The following JAKMIP1 variants were observed in gnomAD, a reference collection of about 807,000 sequenced individuals.
JAKMIP1 encodes the protein janus kinase and microtubule interacting protein 1, also known as janus kinase and microtubule-interacting protein 1.
Under a neutral mutation model 113.0 loss-of-function variants are expected in JAKMIP1, and 33 were observed. That is an observed-to-expected ratio of 0.29 (90% CI 0.22 to 0.39). The LOEUF (loss-of-function observed/expected upper bound fraction) is 0.39. Among genes scored for constraint, JAKMIP1 ranks in the 10% least tolerant of loss-of-function variants. The pLI, the probability that JAKMIP1 is intolerant of heterozygous loss-of-function variation, is 1.00. For missense variants in JAKMIP1, 813 were observed against 1,080.5 expected (o/e 0.75, Z 3.47); for synonymous variants, 480 against 459.9 (o/e 1.04, Z -0.56).
chr4:6,112,935 C>A lies in JAKMIP1; in HGVS notation c.-85G>T. The A allele has an allele frequency of 6.5e-7, 1 of 1,533,868 alleles. No individual in the cohort carries two copies. The highest frequency in any genetic ancestry group is 8.8e-7 in the Non-Finnish European group (1 of 1,139,252). ...CCAGCAGGCGTGGCTACCAGCTCCA[C>A]CGTGCTAACCAGTCGCGCAGGACTC... On this transcript the variant is annotated 5_prime_UTR_variant, in exon 2 of 21. Coordinates refer to ENST00000409021, the MANE Select transcript of JAKMIP1 (RefSeq NM_001099433.2).
rs966846369 is a variant in JAKMIP1, at chr4:6,069,919, A to G, written c.1303-4911T>C. On this transcript the variant is annotated intron_variant, in intron 8 of 20. Transcript: ENST00000409021. The surrounding 1 kb of genome is among the most constrained non-coding windows in gnomAD (Gnocchi z 4.5). Reference sequence around the variant, plus strand: ...AACAAATAGCCCCCCAACCAGATCCAGTCTCTCTCAGCCACCTGTCTTCTC... The same window carrying G: ...AACAAATAGCCCCCCAACCAGATCCGGTCTCTCTCAGCCACCTGTCTTCTC... 2.0e-5 allele frequency: 8 copies of G among 395,692 alleles called. No homozygotes were observed. Among genetic ancestry groups the G allele is most frequent in the Non-Finnish European group, 2.7e-5 (6 of 224,910 alleles). 24.5% of individuals were successfully genotyped at this position (395,692 alleles called of 1,614,324 possible). A position where few individuals can be genotyped will look rare whatever the true frequency, so the allele number is the denominator to read the frequency against.
At position 6,136,273 on chromosome 4, in the gene JAKMIP1, C is replaced by A. The variant is rs1027645838; in HGVS notation, c.-147-23276G>T. Among the ~76,000 whole-genome samples the A allele has an allele frequency of 7.2e-5, 11 of 152,044 alleles. No individual in the cohort carries two copies. Among genetic ancestry groups the A allele is most frequent in the Non-Finnish European group, 1.3e-4 (9 of 68,000 alleles). Reference sequence around the variant, plus strand: ...TAAATAAATACATAAATAACATGTACCAAAGTGCTTGACGTCTAAATGCAG... The same window carrying A: ...TAAATAAATACATAAATAACATGTAACAAAGTGCTTGACGTCTAAATGCAG... On this transcript the variant is annotated intron_variant, in intron 1 of 20. Coordinates refer to ENST00000409021, the MANE Select transcript of JAKMIP1 (RefSeq NM_001099433.2). This position sits in a 1 kb window ranked among gnomAD's most constrained non-coding sequence, Gnocchi z 5.9.
rs757741899 is a variant in JAKMIP1 at position 6,042,251 on chromosome 4, G to A, written c.2029-24C>T. ...CACTAGAAAACAGCAGGGACAGGAC[G>A]GGTGCAGCAAAGTGAGAGTCAGAAC... On this transcript the variant is annotated intron_variant, in intron 16 of 20. Transcript: ENST00000409021. This position sits in a 1 kb window ranked among gnomAD's most constrained non-coding sequence, Gnocchi z 5.2. 37 of 1,603,080 alleles carry A rather than the reference G, an allele frequency of 2.3e-5. No individual in the cohort carries two copies. The highest frequency in any genetic ancestry group is 1.6e-4 in the Middle Eastern group (1 of 6,064).
intron 12 of JAKMIP1, among the ~76,000 whole-genome samples, chr4:6,055,445 G>A (rs1716259105): frequency 6.6e-6 from 1 of 152,224 alleles, no homozygotes; most frequent in African/African-American, 2.4e-5. Flanking sequence ...CTCTCCGAGA[G>A]CTCTGGAAAG....
At chr4:6,198,979 C>T (rs1460979685) in intron 1 of JAKMIP1, among the ~76,000 whole-genome samples, 1 of 152,218 alleles carries the variant, frequency 6.6e-6, no homozygotes, top group African/African-American at 2.4e-5. Flanking sequence ...TGCCCTCCTC[C>T]CCACCTCCTC....
intron 16 of JAKMIP1, among the ~76,000 whole-genome samples, chr4:6,048,407 G>A (rs1715259249): frequency 6.6e-6 from 1 of 152,230 alleles, no homozygotes; most frequent in Admixed American, 6.5e-5. Flanking sequence ...CATGATGGTA[G>A]AAAGAAATAT....
At chr4:6,101,625 G>A (rs931389965) in intron 3 of JAKMIP1, among the ~76,000 whole-genome samples, 12 of 150,898 alleles carry the variant, frequency 8.0e-5, no homozygotes, top group South Asian at 2.1e-4. Context: ...GGTGACTCAC[G>A]TCTGTAATCC....
rs1054695368 is a variant in JAKMIP1, at chr4:6,059,568, CCTCA to C, written c.1644+852_1644+855del. Among the ~76,000 whole-genome samples the C allele has an allele frequency of 9.2e-5, 14 of 152,016 alleles. No individual in the cohort carries two copies. The highest frequency in any genetic ancestry group is 3.1e-4 in the African/African-American group (13 of 41,396). ...CGTCTGCCCACACCCTCCTTGGCAC[CCTCA>C]CTGTTAGTGGGGCCACGTGACTGAT... On this transcript the variant is annotated intron_variant, in intron 11 of 20. Coordinates refer to ENST00000409021, the MANE Select transcript of JAKMIP1 (RefSeq NM_001099433.2). The surrounding 1 kb of genome is among the most constrained non-coding windows in gnomAD (Gnocchi z 4.8).
At chr4:6,134,604 C>T (rs555709145) in intron 1 of JAKMIP1, among the ~76,000 whole-genome samples, 22 of 152,326 alleles carry the variant, frequency 1.4e-4, no homozygotes, top group South Asian at 1.0e-3. Flanking sequence ...GCTCTGATCA[C>T]GCTGTGCTGG....
At chr4:6,072,313 C>T (rs1719081320) in intron 8 of JAKMIP1, among the ~76,000 whole-genome samples, 1 of 152,178 alleles carries the variant, frequency 6.6e-6, no homozygotes, top group Non-Finnish European at 1.5e-5. Flanking sequence ...CATTCTTAAC[C>T]TTAGTAAAAT....
intron 18 of JAKMIP1, among the ~76,000 whole-genome samples, chr4:6,038,839 G>A (rs1047972757): frequency 3.9e-5 from 6 of 152,162 alleles, no homozygotes; most frequent in African/African-American, 1.2e-4. Flanking sequence ...AGACCCCTGC[G>A]TGGCCAGTTT....
At position 6,085,572 on chromosome 4, in the gene JAKMIP1, C is replaced by G; in HGVS notation, c.682G>C (p.Val228Leu). 2 of 1,614,226 alleles carry G rather than the reference C, an allele frequency of 1.2e-6. No individual in the cohort carries two copies. Among genetic ancestry groups the G allele is most frequent in the Non-Finnish European group, 8.5e-7 (1 of 1,180,040 alleles). ...AGCTTCTGGGTCTGCCCAGCCTGCA[C>G]GCCAAGTTCCTTCTCCAAGGCCAGA... ...VILALEKELG[V>L]QAGQTQKLLL... The change falls in exon 4 of 21, where the codon GTG becomes CTG. Residue 228 changes from valine to leucine, a missense_variant. Physicochemically the swap from Val to Leu is conservative, Grantham distance 32 (BLOSUM62 1). Coordinates refer to ENST00000409021, the MANE Select transcript of JAKMIP1 (RefSeq NM_001099433.2).
At position 6,042,028 on chromosome 4, in the gene JAKMIP1, C is replaced by G; in HGVS notation, c.2097+131G>C. The G allele has an allele frequency of 1.4e-6, 1 of 700,070 alleles. No individual in the cohort carries two copies. Among genetic ancestry groups the G allele is most frequent in the Non-Finnish European group, 2.5e-6 (1 of 399,444 alleles). 43.4% of individuals were successfully genotyped at this position (700,070 alleles called of 1,614,324 possible). A position where few individuals can be genotyped will look rare whatever the true frequency, so the allele number is the denominator to read the frequency against. On this transcript the variant is annotated intron_variant, in intron 17 of 20. Coordinates refer to ENST00000409021, the MANE Select transcript of JAKMIP1 (RefSeq NM_001099433.2). This position sits in a 1 kb window ranked among gnomAD's most constrained non-coding sequence, Gnocchi z 5.2. ...ATGGGTGACAATTACTTAGAACAAC[C>G]ACTGGGGCAAAAGCAAAATTGAGAA... is the stretch of plus-strand genomic sequence containing the variant.
chr4:6,039,523 C>T (rs1310135524), intron 18 of JAKMIP1, among the ~76,000 whole-genome samples: 1 of 152,138 alleles, frequency 6.6e-6, no homozygotes, highest in African/African-American at 2.4e-5. Context: ...ATGGCCCAGC[C>T]TGCAGGGTGT....
At chr4:6,145,572 G>C (rs1231351931) in intron 1 of JAKMIP1, among the ~76,000 whole-genome samples, 1 of 152,190 alleles carries the variant, frequency 6.6e-6, no homozygotes, top group Non-Finnish European at 1.5e-5. Flanking sequence ...GTCTTGAAGA[G>C]ATATTTGTGC....
At chr4:6,095,802 C>T (rs1195683419) in intron 3 of JAKMIP1, among the ~76,000 whole-genome samples, 1 of 148,932 alleles carries the variant, frequency 6.7e-6, no homozygotes, top group African/African-American at 2.6e-5. Context: ...GTCTGCTATG[C>T]ACCACACTGC....
chr4:6,053,043 T>G (rs1715872158), intron 13 of JAKMIP1, among the ~76,000 whole-genome samples: 2 of 152,228 alleles, frequency 1.3e-5, no homozygotes, highest in African/African-American at 4.8e-5. Context: ...GTGCTCACTT[T>G]GAGGGTTTCA....
rs1445566423 is a variant in JAKMIP1, at chr4:6,176,213, A to G, written c.-148+24040T>C. On this transcript the variant is annotated intron_variant, in intron 1 of 20. Coordinates refer to ENST00000409021, the MANE Select transcript of JAKMIP1 (RefSeq NM_001099433.2). This position sits in a 1 kb window ranked among gnomAD's most constrained non-coding sequence, Gnocchi z 5.5. ...ACGGAGAGGGTTACACCTGGGTGGA[A>G]AAGGACAGATCACCCCCTCATACGT... 6.6e-6 allele frequency among the ~76,000 whole-genome samples: 1 copy of G among 152,130 alleles called. No homozygotes were observed. The highest frequency in any genetic ancestry group is 1.5e-5 in the Non-Finnish European group (1 of 68,022).
In JAKMIP1 at chr4:6,178,880, C is replaced by T. The variant is rs1226740207; in HGVS notation, c.-148+21373G>A. Among the ~76,000 whole-genome samples the T allele has an allele frequency of 6.6e-6, 1 of 152,224 alleles. No homozygotes were observed. The highest frequency in any genetic ancestry group is 2.4e-5 in the African/African-American group (1 of 41,450). Reference sequence around the variant, plus strand: ...CTTGATTAAGGTCCCTCCCTCTTCACATGGGATTGTTCACCAGCTGTCTCC... The same window carrying T: ...CTTGATTAAGGTCCCTCCCTCTTCATATGGGATTGTTCACCAGCTGTCTCC... On this transcript the variant is annotated intron_variant, in intron 1 of 20. Coordinates refer to ENST00000409021, the MANE Select transcript of JAKMIP1 (RefSeq NM_001099433.2). The surrounding 1 kb of genome is among the most constrained non-coding windows in gnomAD (Gnocchi z 5.5).
Sources: gnomAD v4.1 joint callset for allele counts (sites outside exome capture counted in the v4.1 genomes callset) on GRCh38, gnomAD v4.1.1 for gene constraint, Gnocchi (gnomAD v3.1) non-coding constraint, MANE v1.5 for transcripts, NCBI Gene and HGNC (gene_info 2026-07-23, HGNC 2026-07-21) for gene names.